The following ZFPM2 variants were observed in gnomAD, a reference collection of about 807,000 sequenced individuals.
ZFPM2 encodes the protein zinc finger protein, FOG family member 2, also known as zinc finger protein ZFPM2.
Under a neutral mutation model 98.6 loss-of-function variants are expected in ZFPM2, and 20 were observed. The ratio of observed to expected loss-of-function variants is 0.20; its 90% CI spans 0.14 to 0.29. ZFPM2 has a LOEUF of 0.29. Ranked by LOEUF, ZFPM2 falls within the 10% of genes least tolerant of loss-of-function variation. The probability of loss-of-function intolerance (pLI) is 1.00; values close to 1 mark genes in which losing one functional copy is unlikely to be tolerated. For synonymous variants in ZFPM2, 518 were observed against 502.7 expected, an observed-to-expected ratio of 1.03 and a Z score of -0.41; for missense variants, 1,310 against 1,388.6, an observed-to-expected ratio of 0.94 and a Z score of 0.90.
chr8:105,605,860 C>G (rs1316168094), intron 4 of ZFPM2, among the ~76,000 whole-genome samples: 2 of 151,972 alleles, frequency 1.3e-5, no homozygotes, highest in Non-Finnish European at 2.9e-5. Context: ...TCTTGGCTGC[C>G]CAGCAAGTTT....
At chr8:105,372,427 T>C (rs1386311582) in intron 1 of ZFPM2, among the ~76,000 whole-genome samples, 1 of 152,214 alleles carries the variant, frequency 6.6e-6, no homozygotes, top group East Asian at 1.9e-4. Context: ...GGTATGTGCA[T>C]GTTTATTATT....
At chr8:105,691,206 C>T (rs1810870325) in intron 5 of ZFPM2, among the ~76,000 whole-genome samples, 1 of 147,266 alleles carries the variant, frequency 6.8e-6, no homozygotes, top group African/African-American at 2.5e-5. Context: ...TCAAGGTTGG[C>T]TCAAGCGCCC....
At chr8:105,709,058 A>AT (rs901687352) in intron 5 of ZFPM2, among the ~76,000 whole-genome samples, 1 of 152,080 alleles carries the variant, frequency 6.6e-6, no homozygotes, top group African/African-American at 2.4e-5. Flanking sequence ...TAACTATTCT[A>AT]TTTTTTGGTA....
At chr8:105,551,945 G>A (rs1038418928) in intron 3 of ZFPM2, among the ~76,000 whole-genome samples, 3 of 75,856 alleles carry the variant, frequency 4.0e-5, no homozygotes, top group African/African-American at 1.5e-4. Context: ...GCAATGACTT[G>A]TGATAAGTTC....
chr8:105,714,894 A>G (rs1260323523), intron 5 of ZFPM2, among the ~76,000 whole-genome samples: 1 of 152,152 alleles, frequency 6.6e-6, no homozygotes, highest in African/African-American at 2.4e-5. Flanking sequence ...GACTAGCACA[A>G]TAATTTTAGG....
Position 105,634,298 on chromosome 8 carries a change from T to A in ZFPM2, c.473T>A (p.Leu158Gln), listed in dbSNP as rs768450184. Residue 158 changes from leucine to glutamine, a missense_variant, in exon 5 of 8, where the codon CTG becomes CAG. Coordinates refer to ENST00000407775, the MANE Select transcript of ZFPM2 (RefSeq NM_012082.4). The stretch of plus-strand genomic sequence containing the variant: ...CTGACTGCTGGTCCCAAGTGGTTGC[T>A]GGATGTGACTTGGCAAGGAGTGGAA... ...MVLTAGPKWLLDVTWQGVEDN... is the reference protein window; with the variant it reads ...MVLTAGPKWLQDVTWQGVEDN... 1 of 1,613,238 alleles carries A rather than the reference T, an allele frequency of 6.2e-7. No individual in the cohort carries two copies. The highest frequency in any genetic ancestry group is 1.1e-5 in the South Asian group (1 of 90,876).
chr8:105,724,001 ACT>A (rs1239288950), intron 5 of ZFPM2, among the ~76,000 whole-genome samples: 1 of 151,228 alleles, frequency 6.6e-6, no homozygotes. Context: ...TAAAGCCAAA[ACT>A]CTGTCTAAAA....
At chr8:105,413,680 A>C (rs2130051309) in intron 1 of ZFPM2, among the ~76,000 whole-genome samples, 1 of 151,884 alleles carries the variant, frequency 6.6e-6, no homozygotes, top group East Asian at 1.9e-4. Context: ...AGAGCATAAA[A>C]CAGGAGCTGG....
At position 105,538,477 on chromosome 8, in the gene ZFPM2, C is replaced by G. The variant is rs74947714; in HGVS notation, c.302-22886C>G. Reference sequence around the variant, plus strand: ...GTCGTTACTATCTCTTTGAAAGTATCTCCTGTCGTTTAGGATAAACATCTT... The same window carrying G: ...GTCGTTACTATCTCTTTGAAAGTATGTCCTGTCGTTTAGGATAAACATCTT... On this transcript the variant is annotated intron_variant, in intron 3 of 7. Coordinates refer to ENST00000407775, the MANE Select transcript of ZFPM2 (RefSeq NM_012082.4). Among the ~76,000 whole-genome samples, 892 of 152,222 alleles carry G rather than the reference C, an allele frequency of 5.9e-3. 10 individuals carry two copies. The highest frequency in any genetic ancestry group is 0.02 in the African/African-American group (819 of 41,544).
intron 1 of ZFPM2, among the ~76,000 whole-genome samples, chr8:105,334,351 G>A (rs1295016098): frequency 6.6e-6 from 1 of 151,576 alleles, no homozygotes; most frequent in East Asian, 1.9e-4. Flanking sequence ...CAATATGGGA[G>A]AGAATAGCTA....
chr8:105,687,166 A>G (rs1199876296), intron 5 of ZFPM2, among the ~76,000 whole-genome samples: 1 of 152,186 alleles, frequency 6.6e-6, no homozygotes, highest in African/African-American at 2.4e-5. Context: ...TATTGAAAGC[A>G]TCAGACTCCA....
intron 2 of ZFPM2, among the ~76,000 whole-genome samples, chr8:105,420,535 T>A (rs968657320): frequency 7.2e-5 from 11 of 152,172 alleles, no homozygotes; most frequent in African/African-American, 2.7e-4. Context: ...AGATAACTTG[T>A]AGCATGGTCC....
intron 3 of ZFPM2, among the ~76,000 whole-genome samples, chr8:105,560,021 A>G (rs1446364220): frequency 1.3e-5 from 2 of 152,072 alleles, no homozygotes; most frequent in African/African-American, 4.8e-5. Context: ...CAACCTGACC[A>G]ACATGAAGAA....
chr8:105,788,281 A>C (rs1813482184), intron 5 of ZFPM2, among the ~76,000 whole-genome samples: 1 of 152,152 alleles, frequency 6.6e-6, no homozygotes, highest in Non-Finnish European at 1.5e-5. Flanking sequence ...GGGGGAAAAG[A>C]AGGAGAGAGA....
chr8:105,441,720 G>A (rs1054331313), intron 2 of ZFPM2, among the ~76,000 whole-genome samples: 1 of 152,112 alleles, frequency 6.6e-6, no homozygotes, highest in African/African-American at 2.4e-5. Flanking sequence ...TTACATGTAT[G>A]TAGGGGTGAT....
intron 5 of ZFPM2, among the ~76,000 whole-genome samples, chr8:105,721,192 T>C (rs1424212670): frequency 6.6e-6 from 1 of 151,866 alleles, no homozygotes. Context: ...ATGTCAGCCC[T>C]ACGTATAGAC....
chr8:105,532,945 C>G (rs1423511541), intron 3 of ZFPM2, among the ~76,000 whole-genome samples: 1 of 152,042 alleles, frequency 6.6e-6, no homozygotes, highest in African/African-American at 2.4e-5. Flanking sequence ...CCTGGGGTGG[C>G]AGGGAATGTC....
intron 3 of ZFPM2, among the ~76,000 whole-genome samples, chr8:105,538,588 A>G (rs1814511327): frequency 6.6e-6 from 1 of 152,114 alleles, no homozygotes; most frequent in African/African-American, 2.4e-5. Flanking sequence ...ACTGTCACTG[A>G]TAGAAAGTTC....
At chr8:105,755,012 G>A (rs1812566904) in intron 5 of ZFPM2, among the ~76,000 whole-genome samples, 1 of 152,026 alleles carries the variant, frequency 6.6e-6, no homozygotes, top group Non-Finnish European at 1.5e-5. Flanking sequence ...ATGCGTGTGT[G>A]TTGCAGGAAT....
Sources: gnomAD v4.1 joint callset for allele counts (sites outside exome capture counted in the v4.1 genomes callset) on GRCh38, gnomAD v4.1.1 for gene constraint, MANE v1.5 for transcripts, NCBI Gene and HGNC (gene_info 2026-07-23, HGNC 2026-07-21) for gene names.